The following SELENON variants were observed in gnomAD, a reference collection of about 807,000 sequenced individuals.
SELENON encodes selenoprotein N.
Under a neutral mutation model 59.5 loss-of-function variants are expected in SELENON, and 44 were observed. That is an observed-to-expected ratio of 0.74 (90% confidence interval 0.58 to 0.95). The LOEUF (loss-of-function observed/expected upper bound fraction) is 0.95, where lower values mean the gene tolerates loss of function less well. SELENON is among the 40% of genes least tolerant of loss of function. The pLI is 0.00. For missense variants in SELENON, 674 were observed against 721.4 expected (o/e 0.93, Z 0.75); for synonymous variants, 320 against 305.6 (o/e 1.05, Z -0.49).
intron 3 of SELENON, among the ~76,000 whole-genome samples, chr1:25,802,294 G>T (rs887494857): frequency 6.6e-6 from 1 of 151,962 alleles, no homozygotes; most frequent in Non-Finnish European, 1.5e-5. Flanking sequence ...CCAGCCAGGA[G>T]CTATAACTAT....
chr1:25,801,660 AAAAC>A (rs1031725653), intron 2 of SELENON, among the ~76,000 whole-genome samples: 106 of 148,230 alleles, frequency 7.2e-4, no homozygotes, highest in African/African-American at 2.2e-3. Flanking sequence ...ACCCTGTCTC[AAAAC>A]AAACAAACAA....
In SELENON at chr1:25,814,141, C is replaced by T. The variant is rs2047990386; in HGVS notation, c.1565C>T (p.Pro522Leu). ...CTGCACCTGGAGAAGTACAGCTTCC[C>T]CGTGGAGATGATGATCTGCCTGCCC... Residue 522 changes from proline to leucine, a missense_variant, in exon 12 of 13, where the codon CCC becomes CTC. Coordinates refer to ENST00000361547, the MANE Select transcript of SELENON (RefSeq NM_020451.3). 4 of 1,614,162 alleles carry T rather than the reference C, an allele frequency of 2.5e-6. No individual in the cohort carries two copies. The highest frequency in any genetic ancestry group is 1.7e-6 in the Non-Finnish European group (2 of 1,180,012).
Position 25,815,565 on chromosome 1 carries a change from C to T in SELENON, c.1620C>T (p.Ala540=), listed in dbSNP as rs1421548273. 6.2e-7 allele frequency: 1 copy of T among 1,614,046 alleles called. No individual in the cohort carries two copies. Among genetic ancestry groups the T allele is most frequent in the Non-Finnish European group, 8.5e-7 (1 of 1,180,030 alleles). ...TCTCCCAGGTCCATCACATCAATGCCAACTACTTCTTGGACATCACCTCCG... is the reference window on the plus strand; with the variant it reads ...TCTCCCAGGTCCATCACATCAATGCTAACTACTTCTTGGACATCACCTCCG... The change falls in exon 13 of 13, where the codon GCC becomes GCT. Residue 540 remains alanine (A), a synonymous_variant. Coordinates refer to ENST00000361547, the MANE Select transcript of SELENON (RefSeq NM_020451.3).
chr1:25,802,516 C>T (rs980636295), intron 3 of SELENON, among the ~76,000 whole-genome samples: 5 of 152,106 alleles, frequency 3.3e-5, no homozygotes, highest in African/African-American at 9.7e-5. Flanking sequence ...ACCACCATGC[C>T]GGGCTGATTT....
Position 25,808,583 on chromosome 1 carries a change from T to C in SELENON, c.541T>C (p.Ser181Pro). The C allele has an allele frequency of 6.2e-7, 1 of 1,613,164 alleles. No homozygotes were observed. Among genetic ancestry groups the C allele is most frequent in the Non-Finnish European group, 8.5e-7 (1 of 1,179,784 alleles). Residue 181 changes from serine (S) to proline (P), a missense_variant, in exon 5 of 13, where the codon TCC (serine) becomes CCC (proline). Transcript: ENST00000361547. ...GCTTTGCTTTCCCCCGCCCCAGGTC[T>C]CCCGCCTCGCCCTGTCCGGCCTCCG...
Position 25,812,800 on chromosome 1 carries a change from G to A in SELENON, c.1387+8G>A, listed in dbSNP as rs1244907198. 3 of 1,604,490 alleles carry A rather than the reference G, an allele frequency of 1.9e-6. No individual in the cohort carries two copies. The highest frequency in any genetic ancestry group is 8.5e-7 in the Non-Finnish European group (1 of 1,173,088). ...ATGACCAGTCCTGCTGAGGTGAGGG[G>A]CCCGGCTGGATCTAAGGGGAGCAGT... On this transcript the variant is annotated splice_region_variant and intron_variant, in intron 10 of 12. Coordinates refer to ENST00000361547, the MANE Select transcript of SELENON (RefSeq NM_020451.3).
chr1:25,815,834 A>G lies in SELENON; in HGVS notation c.*116A>G, dbSNP rs2124457180. The G allele has an allele frequency of 8.8e-7, 1 of 1,136,372 alleles. No individual in the cohort carries two copies. Among genetic ancestry groups the G allele is most frequent in the Non-Finnish European group, 1.3e-6 (1 of 782,884 alleles). 70.4% of individuals were successfully genotyped at this position (1,136,372 alleles called of 1,614,324 possible). On this transcript the variant is annotated 3_prime_UTR_variant, in exon 13 of 13. Transcript: ENST00000361547. ...CCACCCCACTCCTAGGCTGCCTTGG[A>G]GGGTACAAGATCCACTGAGGGTGGC... is the stretch of plus-strand genomic sequence containing the variant.
rs2047921539 is a variant in SELENON, at chr1:25,807,905, A to G, written c.538-675A>G. On this transcript the variant is annotated intron_variant, in intron 4 of 12. Coordinates refer to ENST00000361547, the MANE Select transcript of SELENON (RefSeq NM_020451.3). The surrounding 1 kb of genome is among the most constrained non-coding windows in gnomAD (Gnocchi z 4.5). ...AGGTCACCGATGAGGACTCGGGCTT[A>G]GGGAAGGCCTTTTGCCCAGGGTGGG... 6.6e-6 allele frequency among the ~76,000 whole-genome samples: 1 copy of G among 152,200 alleles called. No individual in the cohort carries two copies. Among genetic ancestry groups the G allele is most frequent in the Non-Finnish European group, 1.5e-5 (1 of 68,032 alleles).
rs1156591680 is a variant in SELENON, at chr1:25,807,153, T to C, written c.538-1427T>C. On this transcript the variant is annotated intron_variant, in intron 4 of 12. Transcript: ENST00000361547. The surrounding 1 kb of genome is among the most constrained non-coding windows in gnomAD (Gnocchi z 4.5). The stretch of plus-strand genomic sequence containing the variant: ...CATGCCCGGCCGGGAGCCCCTTTCT[T>C]AACCTCATCGCTGCAGGTTCAGGGA... 6.6e-6 allele frequency among the ~76,000 whole-genome samples: 1 copy of C among 152,126 alleles called. No individual in the cohort carries two copies. The highest frequency in any genetic ancestry group is 2.4e-5 in the African/African-American group (1 of 41,426).
Position 25,811,816 on chromosome 1 carries a change from G to A in SELENON, c.1218G>A (p.Gln406=), listed in dbSNP as rs755220698. Residue 406 remains glutamine, a synonymous_variant, in exon 9 of 13, where the codon CAG becomes CAA. Transcript: ENST00000361547. ...TTGTGTTTGAGGAGATCAAGTGGCA[G>A]CAGGAGCTGAGCTGGGAGGAGGCTG... 1.3e-6 allele frequency: 2 copies of A among 1,586,318 alleles called. No individual in the cohort carries two copies. Among genetic ancestry groups the A allele is most frequent in the East Asian group, 2.3e-5 (1 of 43,804 alleles).
chr1:25,808,051 G>A (rs567019589), intron 4 of SELENON, among the ~76,000 whole-genome samples: 1 of 152,296 alleles, frequency 6.6e-6, no homozygotes, highest in South Asian at 2.1e-4. Flanking sequence ...CACCCTCATC[G>A]GACTTAGCTC....
chr1:25,802,113 C>G lies in SELENON; in HGVS notation c.399C>G (p.Leu133=), dbSNP rs1268641952. ...TCAATTGATCCTCCTGCCTCAGCCT[C>G]CTGAGTAAGTGGGACCACAGGCATG... The change falls in exon 3 of 13, where the codon CTC becomes CTG. Residue 133 remains leucine (L), a synonymous_variant. Coordinates refer to ENST00000361547, the MANE Select transcript of SELENON (RefSeq NM_020451.3). 1.1e-5 allele frequency: 3 copies of G among 272,900 alleles called. No individual in the cohort carries two copies. Among genetic ancestry groups the G allele is most frequent in the African/African-American group, 6.9e-5 (3 of 43,464 alleles). The allele number at this position is 272,900 out of a possible 1,614,324, so 16.9% of individuals were successfully genotyped here. A position where few individuals can be genotyped will look rare whatever the true frequency, so the allele number is the denominator to read the frequency against.
chr1:25,808,966 C>G (rs2047934480), intron 5 of SELENON, 60 bp from the exon 5 acceptor site: 1 of 1,612,230 alleles, frequency 6.2e-7, no homozygotes, highest in Admixed American at 1.7e-5. Flanking sequence ...GACCCCCACC[C>G]CAGCGGATCC....
At position 25,802,086 on chromosome 1, in the gene SELENON, G is replaced by A. The variant is rs934913626; in HGVS notation, c.372G>A (p.Trp124Ter). The change falls in exon 3 of 13, where the codon TGG becomes TGA. Residue 124 changes from tryptophan to a stop codon, truncating the protein, a stop_gained. Transcript: ENST00000361547. LOFTEE classifies it high-confidence loss of function. ...GCTCACTGCAGCCTCAACTTCCCTG[G>A]CTCAATTGATCCTCCTGCCTCAGCC... The A allele has an allele frequency of 9.8e-6, 3 of 305,882 alleles. No homozygotes were observed. The highest frequency in any genetic ancestry group is 4.5e-5 in the African/African-American group (2 of 44,922). The allele number at this position is 305,882 out of a possible 1,614,324, so 18.9% of individuals were successfully genotyped here.
chr1:25,808,139 T>C (rs929091535), intron 4 of SELENON, among the ~76,000 whole-genome samples: 5 of 151,100 alleles, frequency 3.3e-5, no homozygotes. Context: ...GGAGGGAGAG[T>C]AGGGCTGCTG....
intron 12 of SELENON, among the ~76,000 whole-genome samples, chr1:25,814,657 C>T (rs937494108): frequency 6.6e-6 from 1 of 152,148 alleles, no homozygotes; most frequent in African/African-American, 2.4e-5. Flanking sequence ...TCATGAATAC[C>T]CATTTTATAA....
chr1:25,811,771 T>C lies in SELENON; in HGVS notation c.1173T>C (p.Pro391=), dbSNP rs760597. The C allele has an allele frequency of 0.79, 1,258,240 of 1,592,998 alleles. 499,966 individuals carry two copies. The highest frequency in any genetic ancestry group is 0.96 in the East Asian group (42,428 of 44,146). ...GCAGCATGATCGACAGCCACCTGCC[T>C]TCAGGGGAGCCCCTGCAGTTTGTGT... The change falls in exon 9 of 13, where the codon CCT becomes CCC. Residue 391 remains proline, a synonymous_variant. Transcript: ENST00000361547.
chr1:25,817,800 CAG>C lies in SELENON; in HGVS notation c.*2085_*2086del, dbSNP rs2048024497. On this transcript the variant is annotated 3_prime_UTR_variant, in exon 13 of 13. Coordinates refer to ENST00000361547, the MANE Select transcript of SELENON (RefSeq NM_020451.3). ...AAGTGGAAAGGAAGGCCTTTCAAAC[CAG>C]AGTGTCTCACTCCCCTCTGACCTCC... 6.6e-6 allele frequency: 1 copy of C among 152,284 alleles called. No individual in the cohort carries two copies. The highest frequency in any genetic ancestry group is 6.5e-5 in the Admixed American group (1 of 15,290). 9.4% of individuals were successfully genotyped at this position (152,284 alleles called of 1,614,324 possible). A position where few individuals can be genotyped will look rare whatever the true frequency, so the allele number is the denominator to read the frequency against.
At chr1:25,802,148 G>A (rs747893783) in intron 3 of SELENON, 11 of 222,656 alleles carry the variant, frequency 4.9e-5, no homozygotes, top group Admixed American at 3.4e-4. Flanking sequence ...GTGCTACCAC[G>A]CCCAGCTGAT....
Sources: gnomAD v4.1 joint callset for allele counts (sites outside exome capture counted in the v4.1 genomes callset) on GRCh38, gnomAD v4.1.1 for gene constraint, Gnocchi (gnomAD v3.1) non-coding constraint, MANE v1.5 for transcripts, NCBI Gene and HGNC (gene_info 2026-07-23, HGNC 2026-07-21) for gene names.